SLC5A4: variants seen among roughly 807,000 people sequenced by gnomAD.
SLC5A4 encodes the protein probable glucose sensor protein SLC5A4.
A neutral mutation model predicts 70.3 loss-of-function variants in SLC5A4; 55 were observed. The ratio of observed to expected loss-of-function variants is 0.78; its 90% CI spans 0.63 to 0.98. The LOEUF (loss-of-function observed/expected upper bound fraction) is 0.98. Among genes scored for constraint, SLC5A4 ranks in the 50% least tolerant of loss-of-function variants. The pLI, the probability that SLC5A4 is intolerant of heterozygous loss-of-function variation, is 0.00. For synonymous variants in SLC5A4, 268 were observed against 305.7 expected (o/e 0.88, Z 1.29); for missense variants, 735 against 839.2 (o/e 0.88, Z 1.53).
At chr22:32,333,925 TAC>T in the SLC5A4 span, among the ~76,000 whole-genome samples, 1 of 129,718 alleles carries the variant, frequency 7.7e-6, no homozygotes, top group African/African-American at 2.9e-5. Flanking sequence ...ACCCACAACA[TAC>T]ACATAGACAC....
chr22:32,317,859 G>T, the SLC5A4 span, among the ~76,000 whole-genome samples: 1 of 152,174 alleles, frequency 6.6e-6, no homozygotes, highest in Non-Finnish European at 1.5e-5. Context: ...GGAGGTGACT[G>T]CTTGGAAGGA....
chr22:32,275,750 G>A, the SLC5A4 span, among the ~76,000 whole-genome samples: 1 of 152,192 alleles, frequency 6.6e-6, no homozygotes, highest in East Asian at 1.9e-4. Context: ...GGATTGCTGG[G>A]TCAAATGGAT....
At chr22:32,320,176 G>A in the SLC5A4 span, among the ~76,000 whole-genome samples, 2 of 152,318 alleles carry the variant, frequency 1.3e-5, no homozygotes, top group East Asian at 1.9e-4. Context: ...ACAAAAGGGA[G>A]CATCCGCATT....
At chr22:32,260,940 GCGGGCTCCTGTAATC>G in the SLC5A4 span, among the ~76,000 whole-genome samples, 1 of 152,160 alleles carries the variant, frequency 6.6e-6, no homozygotes, top group African/African-American at 2.4e-5. Flanking sequence ...GGGTGTGATG[GCGGGCTCCTGTAATC>G]CCAGCTAGTC....
the SLC5A4 span, among the ~76,000 whole-genome samples, chr22:32,347,393 G>T: frequency 2.6e-5 from 4 of 152,090 alleles, no homozygotes; most frequent in Non-Finnish European, 5.9e-5. Flanking sequence ...CTGCTATAAA[G>T]ACACATGCAC....
chr22:32,263,584 C>A, the SLC5A4 span, among the ~76,000 whole-genome samples: 1 of 152,168 alleles, frequency 6.6e-6, no homozygotes, highest in Admixed American at 6.6e-5. Flanking sequence ...AATAGGAACA[C>A]TTTTATACTG....
the SLC5A4 span, among the ~76,000 whole-genome samples, chr22:32,305,609 C>T: frequency 6.8e-6 from 1 of 148,068 alleles, no homozygotes; most frequent in African/African-American, 2.5e-5. Flanking sequence ...CTTTTCTCCA[C>T]TGTGCAGCCT....
chr22:32,306,062 G>A, the SLC5A4 span, among the ~76,000 whole-genome samples: 1 of 152,188 alleles, frequency 6.6e-6, no homozygotes, highest in Non-Finnish European at 1.5e-5. Context: ...GACAAATTAT[G>A]TGGGCACAGG....
At chr22:32,351,860 G>A in the SLC5A4 span, among the ~76,000 whole-genome samples, 1 of 151,368 alleles carries the variant, frequency 6.6e-6, no homozygotes, top group Non-Finnish European at 1.5e-5. Flanking sequence ...AAGGGAGGAG[G>A]AGGAGAAACA....
At chr22:32,289,130 G>C in the SLC5A4 span, among the ~76,000 whole-genome samples, 1 of 152,052 alleles carries the variant, frequency 6.6e-6, no homozygotes, top group African/African-American at 2.4e-5. Context: ...TCTCTTAAAA[G>C]AAAGTTCCCT....
At chr22:32,319,605 G>A in the SLC5A4 span, among the ~76,000 whole-genome samples, 1 of 152,100 alleles carries the variant, frequency 6.6e-6, no homozygotes, top group African/African-American at 2.4e-5. Flanking sequence ...GTGTCTATAT[G>A]CGATTGGTTC....
chr22:32,292,403 T>C, the SLC5A4 span, among the ~76,000 whole-genome samples: 6 of 148,354 alleles, frequency 4.0e-5, no homozygotes, highest in East Asian at 1.9e-4. Flanking sequence ...TATATATTTG[T>C]TTTTTTCTAG....
chr22:32,263,565 A>T, the SLC5A4 span, among the ~76,000 whole-genome samples: 2 of 152,206 alleles, frequency 1.3e-5, no homozygotes, highest in Non-Finnish European at 2.9e-5. Flanking sequence ...GCTGGGGAGG[A>T]TGTGGAGAAA....
Position 32,225,662 on chromosome 22 carries a change from T to C in SLC5A4, c.1442A>G (p.Asn481Ser), listed in dbSNP as rs763311553. The C allele has an allele frequency of 2.5e-6, 4 of 1,607,788 alleles. No individual in the cohort carries two copies. Among genetic ancestry groups the C allele is most frequent in the South Asian group, 2.2e-5 (2 of 89,378 alleles). Residue 481 changes from asparagine (N) to serine (S), a missense_variant, in exon 12 of 15, where the codon AAT (asparagine) becomes AGT (serine). Physicochemically the swap from Asn to Ser is conservative, Grantham distance 46 (BLOSUM62 1). Transcript: ENST00000266086. ...TTTCCAGTTTTCACTCACCTGTTCATTGACTCTTTTACAGAAGATGGCAAG... is the reference window on the plus strand; with the variant it reads ...TTTCCAGTTTTCACTCACCTGTTCACTGACTCTTTTACAGAAGATGGCAAG... ...FVLAIFCKRV[N>S]EQGAFWGLMV...
the SLC5A4 span, among the ~76,000 whole-genome samples, chr22:32,262,222 A>G: frequency 9.8e-3 from 1,487 of 152,244 alleles, 30 homozygotes; most frequent in African/African-American, 0.033. Flanking sequence ...GGTGGCCCCA[A>G]TTGTAGTTTT....
intron 7 of SLC5A4, 42 bp downstream of exon 7, chr22:32,237,202 G>T (rs760657991): frequency 7.1e-7 from 1 of 1,416,054 alleles, no homozygotes; most frequent in South Asian, 1.2e-5. Context: ...CAAGTCCCGT[G>T]ATTTCCAGGC....
the SLC5A4 span, among the ~76,000 whole-genome samples, chr22:32,353,502 C>T: frequency 1.3e-5 from 2 of 151,990 alleles, no homozygotes; most frequent in Non-Finnish European, 2.9e-5. Context: ...GAGGAGATGG[C>T]CCTCTAGAGT....
the SLC5A4 span, among the ~76,000 whole-genome samples, chr22:32,305,721 C>T: frequency 1.5e-5 from 2 of 129,814 alleles, no homozygotes; most frequent in Non-Finnish European, 3.2e-5. Context: ...GAGCACGGTG[C>T]TCATTAAAGG....
intron 11 of SLC5A4, among the ~76,000 whole-genome samples, chr22:32,227,236 A>T (rs939220804): frequency 6.6e-6 from 1 of 152,148 alleles, no homozygotes; most frequent in Non-Finnish European, 1.5e-5. Context: ...AAAAGTTATT[A>T]CTTTATCATT....
Sources: allele counts gnomAD v4.1 joint callset (sites outside exome capture counted in the v4.1 genomes callset), GRCh38; gene constraint gnomAD v4.1.1; transcripts MANE v1.5; gene names NCBI Gene and HGNC (gene_info 2026-07-23, HGNC 2026-07-21).